Variants in ZFHX3 observed in about 807,000 individuals in gnomAD.
The protein encoded by ZFHX3 is zinc finger homeobox 3.
In ZFHX3, 42 loss-of-function variants were observed where a neutral mutation model predicts 279.1. That is an observed-to-expected ratio of 0.15 (90% CI 0.12 to 0.19). The LOEUF (loss-of-function observed/expected upper bound fraction) is 0.19. Ranked by LOEUF, ZFHX3 falls within the 10% of genes least tolerant of loss-of-function variation. The pLI is 1.00. For missense variants in ZFHX3, 4,981 were observed against 4,754.0 expected (o/e 1.05, Z -1.40); for synonymous variants, 2,293 against 1,957.8 (o/e 1.17, Z -4.52).
intron 1 of ZFHX3, among the ~76,000 whole-genome samples, chr16:72,988,141 G>C (rs1187870547): frequency 6.6e-6 from 1 of 152,208 alleles, no homozygotes; most frequent in African/African-American, 2.4e-5. Flanking sequence ...GCCTGCATAA[G>C]TGCTAAGAAC....
intron 3 of ZFHX3, among the ~76,000 whole-genome samples, chr16:72,891,567 C>T (rs1299891637): frequency 6.6e-6 from 1 of 152,120 alleles, no homozygotes; most frequent in African/African-American, 2.4e-5. Flanking sequence ...GGAATTCTTC[C>T]ACTGGGTACA....
Position 73,243,494 on chromosome 16 carries a change from T to C in ZFHX3, c.-1104+13553A>G, listed in dbSNP as rs2013186826. 3.9e-5 allele frequency among the ~76,000 whole-genome samples: 6 copies of C among 152,350 alleles called. No homozygotes were observed. In the South Asian group the frequency reaches 1.2e-3, roughly 32 times the overall value. On this transcript the variant is annotated intron_variant, in intron 5 of 17. Transcript: ENST00000641206. ...CCTCCTTGTGAAAGATCTGTACCTATATTTAATCTGCCAAGGTAATAGGTT... is the reference window on the plus strand; with the variant it reads ...CCTCCTTGTGAAAGATCTGTACCTACATTTAATCTGCCAAGGTAATAGGTT...
At chr16:73,339,309 T>C (rs2015984625) in intron 3 of ZFHX3, among the ~76,000 whole-genome samples, 1 of 152,226 alleles carries the variant, frequency 6.6e-6, no homozygotes, top group Non-Finnish European at 1.5e-5. Flanking sequence ...TGCCTATCTC[T>C]CTTCTCTCAT....
At chr16:73,314,495 T>C (rs1008769985) in intron 4 of ZFHX3, among the ~76,000 whole-genome samples, 1 of 152,200 alleles carries the variant, frequency 6.6e-6, no homozygotes, top group African/African-American at 2.4e-5. Flanking sequence ...GACTAATAAA[T>C]GGCAGAGCCG....
At chr16:73,729,243 C>G (rs985518768) in intron 1 of ZFHX3, among the ~76,000 whole-genome samples, 1 of 152,118 alleles carries the variant, frequency 6.6e-6, no homozygotes, top group East Asian at 1.9e-4. Context: ...ACACCTGGGC[C>G]GGCAATGGCG....
rs146121076 is a variant in ZFHX3, at chr16:73,793,708, T to C, written c.-1608+97943A>G. Among the ~76,000 whole-genome samples, 17 of 152,214 alleles carry C rather than the reference T, an allele frequency of 1.1e-4. No homozygotes were observed. The East Asian group carries it at 3.3e-3, about 29-fold the overall frequency. Reference sequence around the variant, plus strand: ...AGCATCTATTTTTTTTTCCAAAAGATCAGACCTTCAGAAAAGTTAGGTTTG... The same window carrying C: ...AGCATCTATTTTTTTTTCCAAAAGACCAGACCTTCAGAAAAGTTAGGTTTG... On this transcript the variant is annotated intron_variant, in intron 1 of 17. Coordinates refer to the ZFHX3 transcript ENST00000641206.
intron 7 of ZFHX3, among the ~76,000 whole-genome samples, chr16:73,110,295 G>A (rs1966356897): frequency 6.6e-6 from 1 of 151,990 alleles, no homozygotes; most frequent in South Asian, 2.1e-4. Context: ...ATCTCAGTAA[G>A]ATACATTCAA....
chr16:73,185,227 T>C (rs766004549), intron 5 of ZFHX3, among the ~76,000 whole-genome samples: 4 of 152,230 alleles, frequency 2.6e-5, no homozygotes, highest in Non-Finnish European at 5.9e-5. Context: ...AGGTGATGGC[T>C]AATATTTCTT....
intron 3 of ZFHX3, among the ~76,000 whole-genome samples, chr16:73,425,753 C>A (rs1442955262): frequency 1.3e-5 from 2 of 152,104 alleles, no homozygotes; most frequent in African/African-American, 4.8e-5. Context: ...ACTGTTTATC[C>A]ATCTGAAAAA....
intron 1 of ZFHX3, among the ~76,000 whole-genome samples, chr16:73,006,783 A>G (rs1963719125): frequency 6.6e-6 from 1 of 152,166 alleles, no homozygotes; most frequent in Non-Finnish European, 1.5e-5. Context: ...GATCCCGAAA[A>G]TCTGAGGATA....
intron 2 of ZFHX3, among the ~76,000 whole-genome samples, chr16:73,621,142 T>C (rs1479160641): frequency 6.6e-6 from 1 of 152,196 alleles, no homozygotes; most frequent in Non-Finnish European, 1.5e-5. Flanking sequence ...CCTACTGTCA[T>C]AACATGTGTA....
At position 73,688,086 on chromosome 16, in the gene ZFHX3, G is replaced by A. The variant is rs2053109189; in HGVS notation, c.-1607-7846C>T. Among the ~76,000 whole-genome samples the A allele has an allele frequency of 2.0e-5, 3 of 152,012 alleles. No individual in the cohort carries two copies. The South Asian group carries it at 6.2e-4, about 31-fold the overall frequency. On this transcript the variant is annotated intron_variant, in intron 1 of 17. Coordinates refer to the ZFHX3 transcript ENST00000641206. ...AATTCACATCTTGAGCCTGGGCACA[G>A]TGGCTCATGCCTGTAATCCCAGCAC...
At chr16:73,070,045 T>A (rs1398871631) in intron 8 of ZFHX3, among the ~76,000 whole-genome samples, 1 of 152,164 alleles carries the variant, frequency 6.6e-6, no homozygotes, top group East Asian at 1.9e-4. Flanking sequence ...CATTTTAAAG[T>A]GCCCCGAACT....
intron 3 of ZFHX3, among the ~76,000 whole-genome samples, chr16:73,437,616 TCCC>T (rs1362487615): frequency 6.6e-6 from 1 of 152,166 alleles, no homozygotes; most frequent in African/African-American, 2.4e-5. Context: ...AGAAGACATT[TCCC>T]CCCATTACTT....
intron 3 of ZFHX3, among the ~76,000 whole-genome samples, chr16:72,901,183 G>A (rs1289997166): frequency 6.6e-6 from 1 of 152,170 alleles, no homozygotes; most frequent in East Asian, 1.9e-4. Context: ...GAAAGCATGA[G>A]GCATCATTTT....
At chr16:72,913,641 T>C (rs2039373698) in intron 3 of ZFHX3, among the ~76,000 whole-genome samples, 1 of 152,140 alleles carries the variant, frequency 6.6e-6, no homozygotes. Context: ...TCTCCAGACT[T>C]TACTCATTAA....
chr16:73,003,036 A>G lies in ZFHX3; in HGVS notation c.-49-42842T>C, dbSNP rs566860169. ...TCCTATAGTCCACAGAGTTCCTTTC[A>G]TTCCATTTACATCACTGTTTTCCCA... On this transcript the variant is annotated intron_variant, in intron 1 of 9. Transcript: ENST00000268489. Among the ~76,000 whole-genome samples the G allele has an allele frequency of 9.8e-5, 15 of 152,334 alleles. No homozygotes were observed. The South Asian group carries it at 3.1e-3, about 32-fold the overall frequency.
intron 2 of ZFHX3, among the ~76,000 whole-genome samples, chr16:73,619,750 G>A (rs532570673): frequency 1.3e-5 from 2 of 151,746 alleles, no homozygotes; most frequent in African/African-American, 4.8e-5. Context: ...CCCATTTCCT[G>A]CCTACCAAAC....
At chr16:73,642,264 C>T (rs573766762) in intron 2 of ZFHX3, among the ~76,000 whole-genome samples, 1 of 152,316 alleles carries the variant, frequency 6.6e-6, no homozygotes, top group South Asian at 2.1e-4. Context: ...TGCTCTAAGT[C>T]TTTGAGAGGA....
Sources: allele counts gnomAD v4.1 joint callset (sites outside exome capture counted in the v4.1 genomes callset), GRCh38; gene constraint gnomAD v4.1.1; transcripts MANE v1.5; gene names NCBI Gene and HGNC (gene_info 2026-07-23, HGNC 2026-07-21).